The following ACOT7 variants were observed in gnomAD, a reference collection of about 807,000 sequenced individuals.
The protein encoded by ACOT7 is cytosolic acyl coenzyme A thioester hydrolase.
ACOT7 carries 12 observed loss-of-function variants against 40.2 expected under a neutral mutation model. The ratio of observed to expected loss-of-function variants is 0.30; its 90% CI spans 0.19 to 0.48. The LOEUF (loss-of-function observed/expected upper bound fraction) is 0.48. Ranked by LOEUF, ACOT7 falls within the 20% of genes least tolerant of loss-of-function variation. The pLI is 0.99. For missense variants in ACOT7, 395 were observed against 530.8 expected (o/e 0.74, Z 2.51); for synonymous variants, 228 against 219.5 (o/e 1.04, Z -0.34).
intron 1 of ACOT7, among the ~76,000 whole-genome samples, chr1:6,363,137 C>T (rs1641926406): frequency 6.6e-6 from 1 of 152,070 alleles, no homozygotes; most frequent in Non-Finnish European, 1.5e-5. Flanking sequence ...CTAGGAAAAA[C>T]CAGGCTATAC....
Position 6,311,808 on chromosome 1 carries a change from C to T in ACOT7, c.712+6684G>A, listed in dbSNP as rs1640339076. On this transcript the variant is annotated intron_variant, in intron 6 of 8. Transcript: ENST00000361521. This position sits in a 1 kb window ranked among gnomAD's most constrained non-coding sequence, Gnocchi z 5.2. ...GCCGTTTCTCTTTCCCAGGGTAGGA[C>T]GTTTACCGCGGCAGTGCTGCCCCAG... Among the ~76,000 whole-genome samples the T allele has an allele frequency of 6.6e-6, 1 of 152,166 alleles. No individual in the cohort carries two copies.
chr1:6,367,257 A>C (rs1234377596), intron 1 of ACOT7, among the ~76,000 whole-genome samples: 1 of 151,868 alleles, frequency 6.6e-6, no homozygotes, highest in African/African-American at 2.4e-5. Context: ...TTATCAACTA[A>C]GTTTATGGAA....
intron 1 of ACOT7, among the ~76,000 whole-genome samples, chr1:6,354,342 G>A (rs1641679105): frequency 1.3e-5 from 2 of 152,174 alleles, no homozygotes; most frequent in East Asian, 1.9e-4. Context: ...GCAGAGGTCC[G>A]AGAAGGCTAC....
At position 6,306,842 on chromosome 1, in the gene ACOT7, CTG is replaced by C. The variant is rs1334476318; in HGVS notation, c.712+11648_712+11649del. ...AGGTCACGGAATTGGAAAAGAGTAA[CTG>C]TGCCCTCTTTTGCATTTTTCAGTGA... is the stretch of plus-strand genomic sequence containing the variant. On this transcript the variant is annotated intron_variant, in intron 6 of 8. Transcript: ENST00000361521. This position sits in a 1 kb window ranked among gnomAD's most constrained non-coding sequence, Gnocchi z 4.3. 4 of 1,289,172 alleles carry C rather than the reference CTG, an allele frequency of 3.1e-6. No individual in the cohort carries two copies. Among genetic ancestry groups the C allele is most frequent in the Non-Finnish European group, 4.0e-6 (4 of 988,688 alleles). 79.9% of individuals were successfully genotyped at this position (1,289,172 alleles called of 1,614,324 possible). A position where few individuals can be genotyped will look rare whatever the true frequency, so the allele number is the denominator to read the frequency against.
chr1:6,317,537 G>A (rs1571302216), intron 6 of ACOT7, among the ~76,000 whole-genome samples: 2 of 152,166 alleles, frequency 1.3e-5, no homozygotes, highest in East Asian at 3.9e-4. Flanking sequence ...CATTATTAAC[G>A]AGTCACTGCC....
intron 5 of ACOT7, among the ~76,000 whole-genome samples, chr1:6,319,946 T>G (rs562999205): frequency 6.6e-6 from 1 of 152,304 alleles, no homozygotes; most frequent in South Asian, 2.1e-4. Flanking sequence ...ACTTGATGTC[T>G]CTGGCCCTCT....
intron 6 of ACOT7, chr1:6,295,595 C>G (rs1435027357): frequency 1.3e-5 from 2 of 152,300 alleles, no homozygotes; most frequent in African/African-American, 4.8e-5. Context: ...TGTGGCCTGT[C>G]CATACAACGG....
chr1:6,269,322 G>C (rs745455451), intron 8 of ACOT7, among the ~76,000 whole-genome samples: 2 of 152,330 alleles, frequency 1.3e-5, no homozygotes, highest in Non-Finnish European at 2.9e-5. Context: ...ACCAGGGTCA[G>C]GGGCTTCCCT....
intron 2 of ACOT7, among the ~76,000 whole-genome samples, chr1:6,345,909 G>A (rs577425004): frequency 3.9e-5 from 6 of 152,330 alleles, no homozygotes; most frequent in South Asian, 2.1e-4. Context: ...GACGGTTGAC[G>A]GTGCCAGGCC....
intron 5 of ACOT7, 44 bp from the exon 6 acceptor site, chr1:6,318,622 T>C: frequency 6.3e-7 from 1 of 1,593,242 alleles, no homozygotes; most frequent in Admixed American, 1.7e-5. Flanking sequence ...GTAGGCTGAT[T>C]CCCACAGCTG....
intron 1 of ACOT7, among the ~76,000 whole-genome samples, chr1:6,373,808 T>G (rs977246258): frequency 4.7e-5 from 7 of 149,982 alleles, no homozygotes; most frequent in Admixed American, 4.0e-4. Flanking sequence ...GAGGTTGCAG[T>G]GAGCCGAGAT....
intron 1 of ACOT7, among the ~76,000 whole-genome samples, chr1:6,374,288 C>A (rs1397253551): frequency 6.6e-6 from 1 of 152,228 alleles, no homozygotes. Context: ...GACTAAGAGC[C>A]CTGCCCAGCC....
At chr1:6,367,598 G>A (rs553327755) in intron 1 of ACOT7, among the ~76,000 whole-genome samples, 12 of 152,334 alleles carry the variant, frequency 7.9e-5, no homozygotes, top group South Asian at 6.2e-4. Flanking sequence ...TGGACCAAGC[G>A]CACCTCAAGC....
In ACOT7 at chr1:6,303,254, T is replaced by C. The variant is rs141928202; in HGVS notation, c.713-8274A>G. On this transcript the variant is annotated intron_variant, in intron 6 of 8. Coordinates refer to ENST00000361521, the MANE Select transcript of ACOT7 (RefSeq NM_007274.4). ...CAGGCAGTCCTCATCTCCCAAGATC[T>C]GTAATTTAAAAGATGACAACAAAAT... 4.2e-3 allele frequency among the ~76,000 whole-genome samples: 634 copies of C among 152,276 alleles called. 2 individuals carry two copies. The highest frequency in any genetic ancestry group is 0.015 in the African/African-American group (611 of 41,542).
intron 6 of ACOT7, among the ~76,000 whole-genome samples, chr1:6,307,245 C>T (rs61570757): frequency 0.065 from 9,840 of 152,304 alleles, 947 homozygotes; most frequent in African/African-American, 0.21. Context: ...TTACGTGTTT[C>T]TCACGTGCAG....
chr1:6,285,918 C>T (rs1461194877), intron 7 of ACOT7, among the ~76,000 whole-genome samples: 5 of 152,202 alleles, frequency 3.3e-5, no homozygotes, highest in Admixed American at 2.6e-4. Flanking sequence ...TATCCTGTGG[C>T]GAACCTGGCA....
chr1:6,360,997 TA>T (rs1252584347), intron 1 of ACOT7, among the ~76,000 whole-genome samples: 1 of 152,170 alleles, frequency 6.6e-6, no homozygotes, highest in Non-Finnish European at 1.5e-5. Flanking sequence ...TCTAGTAAAT[TA>T]AAAATCATTT....
intron 7 of ACOT7, among the ~76,000 whole-genome samples, chr1:6,284,723 G>A (rs1557631451): frequency 1.3e-5 from 2 of 152,056 alleles, no homozygotes; most frequent in East Asian, 3.9e-4. Context: ...AGGCCTCCCT[G>A]GGGACGGAGG....
intron 1 of ACOT7, among the ~76,000 whole-genome samples, chr1:6,381,221 A>G (rs1642327081): frequency 6.6e-6 from 1 of 151,964 alleles, no homozygotes; most frequent in African/African-American, 2.4e-5. Flanking sequence ...ATGGATACTT[A>G]TATAGATACA....
Sources: allele counts gnomAD v4.1 joint callset (sites outside exome capture counted in the v4.1 genomes callset), GRCh38; gene constraint gnomAD v4.1.1; non-coding constraint Gnocchi (gnomAD v3.1); transcripts MANE v1.5; gene names NCBI Gene and HGNC (gene_info 2026-07-23, HGNC 2026-07-21).